Variants in KCTD7 observed in about 807,000 individuals in gnomAD.
The protein encoded by KCTD7 is BTB/POZ domain-containing protein KCTD7.
In KCTD7, 15 loss-of-function variants were observed where a neutral mutation model predicts 27.0. The observed-to-expected ratio is 0.56, with a 90% CI of 0.37 to 0.86. The LOEUF is 0.86. KCTD7 is among the 40% of genes least tolerant of loss of function. The pLI is 0.00. For synonymous variants in KCTD7, 159 were observed against 162.7 expected (o/e 0.98, Z 0.17); for missense variants, 299 against 398.9 (o/e 0.75, Z 2.13).
chr7:66,632,555 G>A (rs1220309502), intron 1 of KCTD7, among the ~76,000 whole-genome samples: 1 of 151,848 alleles, frequency 6.6e-6, no homozygotes, highest in African/African-American at 2.4e-5. Flanking sequence ...TTTATGCAGT[G>A]AACAACCTAT....
Position 66,641,365 on chromosome 7 carries a change from C to G in KCTD7, c.*2133C>G. Reference sequence around the variant, plus strand: ...GTGAACAGAGAGCAGTTCATTAAGCCCATTGCTTTCAGTAATGTGGCCTTG... The same window carrying G: ...GTGAACAGAGAGCAGTTCATTAAGCGCATTGCTTTCAGTAATGTGGCCTTG... On this transcript the variant is annotated 3_prime_UTR_variant, in exon 4 of 4. Coordinates refer to ENST00000639828, the MANE Select transcript of KCTD7 (RefSeq NM_153033.5). 1.0e-6 allele frequency: 1 copy of G among 985,388 alleles called. No homozygotes were observed. The highest frequency in any genetic ancestry group is 1.2e-6 in the Non-Finnish European group (1 of 829,948). 61.0% of individuals were successfully genotyped at this position (985,388 alleles called of 1,614,324 possible).
chr7:66,629,975 A>G (rs898402862), intron 1 of KCTD7, among the ~76,000 whole-genome samples: 67 of 152,174 alleles, frequency 4.4e-4, no homozygotes, highest in Non-Finnish European at 2.9e-4. Flanking sequence ...ATGACACTCA[A>G]GAGACGGGAG....
Position 66,641,053 on chromosome 7 carries a change from A to T in KCTD7, c.*1821A>T. ...CAAAGATTCCAGGGCGTGGTTTTGC[A>T]CTCCTGTTGTACTCTTTTAGAGGTG... On this transcript the variant is annotated 3_prime_UTR_variant, in exon 4 of 4. Coordinates refer to ENST00000639828, the MANE Select transcript of KCTD7 (RefSeq NM_153033.5). 2 of 985,132 alleles carry T rather than the reference A, an allele frequency of 2.0e-6. No homozygotes were observed. Among genetic ancestry groups the T allele is most frequent in the Non-Finnish European group, 2.4e-6 (2 of 829,896 alleles). 61.0% of individuals were successfully genotyped at this position (985,132 alleles called of 1,614,324 possible).
chr7:66,640,551 G>C lies in KCTD7; in HGVS notation c.*1319G>C. ...TGTAACATTTCCATGCTGCATTAAG[G>C]GTGTCTCTCTCTAATCATGATTGTA... On this transcript the variant is annotated 3_prime_UTR_variant, in exon 4 of 4. Transcript: ENST00000639828. The C allele has an allele frequency of 6.8e-7, 1 of 1,464,358 alleles. No individual in the cohort carries two copies. Among genetic ancestry groups the C allele is most frequent in the Non-Finnish European group, 9.0e-7 (1 of 1,113,032 alleles). The allele number at this position is 1,464,358 out of a possible 1,614,324, so 90.7% of individuals were successfully genotyped here.
At chr7:66,634,115 T>C (rs1351250610) in intron 2 of KCTD7, among the ~76,000 whole-genome samples, 2 of 101,482 alleles carry the variant, frequency 2.0e-5, no homozygotes, top group Admixed American at 1.2e-4. Flanking sequence ...TGTGTATACA[T>C]ATATATATAT....
chr7:66,639,874 C>T lies in KCTD7; in HGVS notation c.*642C>T, dbSNP rs1409797685. ...AACCATAGCTGCCAAAGCTATGCACCCAGTTGGCCTTAGAAAACCACAATG... is the reference window on the plus strand; with the variant it reads ...AACCATAGCTGCCAAAGCTATGCACTCAGTTGGCCTTAGAAAACCACAATG... On this transcript the variant is annotated 3_prime_UTR_variant, in exon 4 of 4. Coordinates refer to ENST00000639828, the MANE Select transcript of KCTD7 (RefSeq NM_153033.5). 8.0e-7 allele frequency: 1 copy of T among 1,245,518 alleles called. No homozygotes were observed. The highest frequency in any genetic ancestry group is 1.0e-6 in the Non-Finnish European group (1 of 995,916). 77.2% of individuals were successfully genotyped at this position (1,245,518 alleles called of 1,614,324 possible). A position where few individuals can be genotyped will look rare whatever the true frequency, so the allele number is the denominator to read the frequency against.
chr7:66,639,537 T>C lies in KCTD7; in HGVS notation c.*305T>C, dbSNP rs951146954. ...CTTGACCAGGAAGTCCCGAGAAGTT[T>C]TGTCACCTTCTTGACCTTGCAAGAG... On this transcript the variant is annotated 3_prime_UTR_variant, in exon 4 of 4. Transcript: ENST00000639828. The C allele has an allele frequency of 4.8e-5, 66 of 1,376,626 alleles. No individual in the cohort carries two copies. Among genetic ancestry groups the C allele is most frequent in the Non-Finnish European group, 6.2e-5 (66 of 1,062,400 alleles). The allele number at this position is 1,376,626 out of a possible 1,614,324, so 85.3% of individuals were successfully genotyped here.
Position 66,638,869 on chromosome 7 carries a change from G to A in KCTD7, c.507G>A (p.Arg169=). 1.2e-6 allele frequency: 2 copies of A among 1,614,096 alleles called. No individual in the cohort carries two copies. The highest frequency in any genetic ancestry group is 1.3e-5 in the African/African-American group (1 of 75,048). The stretch of plus-strand genomic sequence containing the variant: ...TCATCCTTATAGACCACTTGGAGCG[G>A]ATTGTGGAGATCGCCCGGCTGCGTG... ...LMPYYKDHLE[R]IVEIARLRAV... Residue 169 remains arginine (R), a synonymous_variant, in exon 4 of 4, where the codon CGG becomes CGA. Transcript: ENST00000639828.
In KCTD7 at chr7:66,641,133, GAT is replaced by G. The variant is rs1786704979; in HGVS notation, c.*1904_*1905del. ...GAAAGGATAGTCATTCACGTTCTGAGATATGCGCTCTCTCTATTGTTCTCGTA... is the reference window on the plus strand; with the variant it reads ...GAAAGGATAGTCATTCACGTTCTGAGATGCGCTCTCTCTATTGTTCTCGTA... On this transcript the variant is annotated 3_prime_UTR_variant, in exon 4 of 4. Coordinates refer to ENST00000639828, the MANE Select transcript of KCTD7 (RefSeq NM_153033.5). 1.0e-6 allele frequency: 1 copy of G among 985,320 alleles called. No homozygotes were observed. The highest frequency in any genetic ancestry group is 6.1e-5 in the Admixed American group (1 of 16,264). 61.0% of individuals were successfully genotyped at this position (985,320 alleles called of 1,614,324 possible).
intron 1 of KCTD7, among the ~76,000 whole-genome samples, chr7:66,632,065 A>T (rs766628230): frequency 2.2e-4 from 33 of 152,246 alleles, no homozygotes; most frequent in Admixed American, 1.6e-3. Flanking sequence ...ATGTGTCATT[A>T]ACTCTGTCCT....
chr7:66,640,440 TTGCTC>T lies in KCTD7; in HGVS notation c.*1211_*1215del. 6.5e-7 allele frequency: 1 copy of T among 1,537,328 alleles called. No individual in the cohort carries two copies. On this transcript the variant is annotated 3_prime_UTR_variant, in exon 4 of 4. Coordinates refer to ENST00000639828, the MANE Select transcript of KCTD7 (RefSeq NM_153033.5). ...GATCTGTTACTACTGCATTTCCTTC[TTGCTC>T]TGTCTACAGCCTAGGCCAACTAGTC...
intron 2 of KCTD7, 144 bp downstream of exon 2, chr7:66,633,588 G>C: frequency 1.3e-6 from 1 of 761,948 alleles, no homozygotes; most frequent in Non-Finnish European, 2.1e-6. Flanking sequence ...TATTGAAAGA[G>C]ATCAATTTTT....
chr7:66,633,187 A>T, intron 1 of KCTD7, 88 bp from the exon 2 acceptor site: 1 of 1,360,982 alleles, frequency 7.3e-7, no homozygotes. Context: ...ATGGTGTGGC[A>T]CCAATCAGAC....
Position 66,639,088 on chromosome 7 carries a change from T to C in KCTD7, c.726T>C (p.Tyr242=). The C allele has an allele frequency of 6.2e-7, 1 of 1,614,168 alleles. No homozygotes were observed. The highest frequency in any genetic ancestry group is 8.5e-7 in the Non-Finnish European group (1 of 1,180,024). Residue 242 remains tyrosine, a synonymous_variant, in exon 4 of 4, where the codon TAT becomes TAC. Transcript: ENST00000639828. ...FGPWEAVADV[Y]DLLHCLVTDL... ...CCTGGGAGGCTGTGGCTGATGTTTATGACCTGCTGCACTGCCTGGTCACGG... is the reference window on the plus strand; with the variant it reads ...CCTGGGAGGCTGTGGCTGATGTTTACGACCTGCTGCACTGCCTGGTCACGG...
Position 66,642,360 on chromosome 7 carries a change from A to T in KCTD7, c.*3128A>T, listed in dbSNP as rs1786739661. Reference sequence around the variant, plus strand: ...GTTCTTCTTTCCTGGGGCTTAGGATATTCTGGGAGCTGTCTGAGCCTTGTG... The same window carrying T: ...GTTCTTCTTTCCTGGGGCTTAGGATTTTCTGGGAGCTGTCTGAGCCTTGTG... On this transcript the variant is annotated 3_prime_UTR_variant, in exon 4 of 4. Coordinates refer to ENST00000639828, the MANE Select transcript of KCTD7 (RefSeq NM_153033.5). 1 of 985,296 alleles carries T rather than the reference A, an allele frequency of 1.0e-6. No individual in the cohort carries two copies. The highest frequency in any genetic ancestry group is 1.2e-6 in the Non-Finnish European group (1 of 829,932). 61.0% of individuals were successfully genotyped at this position (985,296 alleles called of 1,614,324 possible).
chr7:66,632,889 T>A (rs1374271379), intron 1 of KCTD7, among the ~76,000 whole-genome samples: 1 of 150,540 alleles, frequency 6.6e-6, no homozygotes, highest in African/African-American at 2.5e-5. Flanking sequence ...TAAAAAAATA[T>A]ATATATATAT....
At position 66,638,517 on chromosome 7, in the gene KCTD7, G is replaced by A. The variant is rs182290415; in HGVS notation, c.493+86G>A. ...GTGTTTAGGTCTCCATCAGAACACC[G>A]GGGGCAGCATTCATCCAGATTACTC... On this transcript the variant is annotated intron_variant, in intron 3 of 3. Transcript: ENST00000639828. 3,983 of 1,368,996 alleles carry A rather than the reference G, an allele frequency of 2.9e-3. 8 individuals carry two copies. The highest frequency in any genetic ancestry group is 3.5e-3 in the Non-Finnish European group (3,457 of 976,648). The allele number at this position is 1,368,996 out of a possible 1,614,324, so 84.8% of individuals were successfully genotyped here. A position where few individuals can be genotyped will look rare whatever the true frequency, so the allele number is the denominator to read the frequency against.
chr7:66,633,600 T>C (rs1786506977), intron 2 of KCTD7, among the ~76,000 whole-genome samples, 156 bp downstream of exon 2: 1 of 152,106 alleles, frequency 6.6e-6, no homozygotes, highest in Non-Finnish European at 1.5e-5. Flanking sequence ...TCAATTTTTT[T>C]TTTTTTTTTT....
intron 2 of KCTD7, among the ~76,000 whole-genome samples, 182 bp from the exon 3 acceptor site, chr7:66,638,071 A>G (rs1786627489): frequency 6.6e-6 from 1 of 152,202 alleles, no homozygotes; most frequent in Non-Finnish European, 1.5e-5. Context: ...CTAACACATT[A>G]TGAGGTTTTA....
Sources: gnomAD v4.1 joint callset for allele counts (sites outside exome capture counted in the v4.1 genomes callset) on GRCh38, gnomAD v4.1.1 for gene constraint, MANE v1.5 for transcripts, NCBI Gene and HGNC (gene_info 2026-07-23, HGNC 2026-07-21) for gene names.